The following HSPA4L variants were observed in gnomAD, a reference collection of about 807,000 sequenced individuals.
The protein encoded by HSPA4L is heat shock protein family A (Hsp70) member 4 like.
In HSPA4L, 48 loss-of-function variants were observed where a neutral mutation model predicts 100.3. The observed-to-expected ratio is 0.48, with a 90% confidence interval of 0.38 to 0.61. HSPA4L has a LOEUF of 0.61. HSPA4L is among the 20% of genes least tolerant of loss of function. The probability of loss-of-function intolerance (pLI) is 0.00; values close to 1 mark genes in which losing one functional copy is unlikely to be tolerated. For missense variants in HSPA4L, 886 were observed against 988.6 expected, an observed-to-expected ratio of 0.90 and a Z score of 1.39; for synonymous variants, 319 against 328.2, an observed-to-expected ratio of 0.97 and a Z score of 0.30.
At chr4:127,792,452 A>C (rs1169674884) in intron 1 of HSPA4L, among the ~76,000 whole-genome samples, 1 of 152,212 alleles carries the variant, frequency 6.6e-6, no homozygotes, top group Non-Finnish European at 1.5e-5. Flanking sequence ...GCTATCCAGT[A>C]GAACTTTCTG....
intron 14 of HSPA4L, among the ~76,000 whole-genome samples, chr4:127,821,566 G>T (rs1331377031): frequency 6.6e-6 from 1 of 152,022 alleles, no homozygotes; most frequent in Non-Finnish European, 1.5e-5. Context: ...ATGAAGTGTA[G>T]GTTCTGTTAG....
At chr4:127,813,116 T>C (rs556011912) in intron 12 of HSPA4L, 2 of 1,325,562 alleles carry the variant, frequency 1.5e-6, no homozygotes, top group Admixed American at 3.4e-5. Flanking sequence ...CGCATATACG[T>C]GGCCAAAGGA....
In HSPA4L at chr4:127,805,237, T is replaced by C. The variant is rs369147537; in HGVS notation, c.1137+13T>C. 4.4e-6 allele frequency: 7 copies of C among 1,576,280 alleles called. No individual in the cohort carries two copies. The highest frequency in any genetic ancestry group is 4.1e-5 in the African/African-American group (3 of 73,232). On this transcript the variant is annotated intron_variant, in intron 9 of 18. Coordinates refer to ENST00000296464, the MANE Select transcript of HSPA4L (RefSeq NM_014278.4). Reference sequence around the variant, plus strand: ...ATGTGCGTTACAGGTATAATTGTTATTTTATTTTTTAGAATATGTATTTTG... The same window carrying C: ...ATGTGCGTTACAGGTATAATTGTTACTTTATTTTTTAGAATATGTATTTTG...
intron 1 of HSPA4L, among the ~76,000 whole-genome samples, chr4:127,784,455 C>G (rs1285310114): frequency 6.6e-6 from 1 of 152,204 alleles, no homozygotes; most frequent in African/African-American, 2.4e-5. Flanking sequence ...GGCATATTCG[C>G]TGGTTCTGTG....
chr4:127,832,056 C>T (rs947992908), intron 18 of HSPA4L, among the ~76,000 whole-genome samples: 2 of 151,864 alleles, frequency 1.3e-5, no homozygotes, highest in African/African-American at 4.8e-5. Context: ...GTGGCTACCC[C>T]GATCTTTGTG....
At position 127,811,479 on chromosome 4, in the gene HSPA4L, A is replaced by G; in HGVS notation, c.1421A>G (p.Asp474Gly). The G allele has an allele frequency of 6.2e-7, 1 of 1,614,060 alleles. No individual in the cohort carries two copies. Among genetic ancestry groups the G allele is most frequent in the Non-Finnish European group, 8.5e-7 (1 of 1,179,986 alleles). ...IQNVFPQSDG[D>G]SSKVKVKVRV... is the part of the protein sequence containing the mutation. The stretch of plus-strand genomic sequence containing the variant: ...AATGTTTTTCCACAGTCTGATGGTG[A>G]TAGTTCCAAAGTGAAGGTTAAAGTT... The change falls in exon 12 of 19, where the codon GAT becomes GGT. Residue 474 changes from aspartate to glycine, a missense_variant. Coordinates refer to ENST00000296464, the MANE Select transcript of HSPA4L (RefSeq NM_014278.4).
Position 127,836,644 on chromosome 4 carries a change from A to G in HSPA4L, c.*3770A>G, listed in dbSNP as rs1430680910. On this transcript the variant is annotated 3_prime_UTR_variant, in exon 19 of 19. Transcript: ENST00000296464. ...AGTGTTAAAGCACTTAATCCAAATT[A>G]GCCCATCTTTAACTGTTTTGAAAAA... 1 of 151,980 alleles carries G rather than the reference A, an allele frequency of 6.6e-6. No individual in the cohort carries two copies. Among genetic ancestry groups the G allele is most frequent in the Non-Finnish European group, 1.5e-5 (1 of 67,990 alleles). The allele number at this position is 151,980 out of a possible 1,614,324, so 9.4% of individuals were successfully genotyped here.
Position 127,808,082 on chromosome 4 carries a change from C to T in HSPA4L, c.1331C>T (p.Ala444Val). The stretch of plus-strand genomic sequence containing the variant: ...AAGAAGGAACCATTTGAACTAGAAG[C>T]ATTTTATACTAATTTACATGAAGTG... ...FHKKEPFELE[A>V]FYTNLHEVPY... Residue 444 changes from alanine (A) to valine (V), a missense_variant, in exon 11 of 19, where the codon GCA (alanine) becomes GTA (valine). By Grantham distance (64) the Ala-to-Val change is moderately conservative. Transcript: ENST00000296464. 1 of 1,612,110 alleles carries T rather than the reference C, an allele frequency of 6.2e-7. No individual in the cohort carries two copies. Among genetic ancestry groups the T allele is most frequent in the South Asian group, 1.1e-5 (1 of 90,878 alleles).
At chr4:127,786,227 T>C (rs920683133) in intron 1 of HSPA4L, among the ~76,000 whole-genome samples, 1 of 152,180 alleles carries the variant, frequency 6.6e-6, no homozygotes, top group Non-Finnish European at 1.5e-5. Context: ...TGGCCAAAAA[T>C]TAGTAAAACA....
chr4:127,807,993 T>C lies in HSPA4L; in HGVS notation c.1245-3T>C. The C allele has an allele frequency of 6.2e-7, 1 of 1,606,948 alleles. No individual in the cohort carries two copies. The highest frequency in any genetic ancestry group is 1.3e-5 in the African/African-American group (1 of 74,580). Reference sequence around the variant, plus strand: ...CTAAGTGAGTTCTTTCCCTCCATTTTAGGGAATGTGAAGTTTTCTGTAAGA... The same window carrying C: ...CTAAGTGAGTTCTTTCCCTCCATTTCAGGGAATGTGAAGTTTTCTGTAAGA... On this transcript the variant is annotated splice_region_variant and splice_polypyrimidine_tract_variant and intron_variant, in intron 10 of 18. Transcript: ENST00000296464.
intron 1 of HSPA4L, among the ~76,000 whole-genome samples, chr4:127,791,747 T>A (rs1489065803): frequency 1.3e-5 from 2 of 152,188 alleles, no homozygotes; most frequent in Admixed American, 6.5e-5. Flanking sequence ...CCATCATCAT[T>A]TACTCTTCCT....
At chr4:127,796,521 T>A (rs1733026597) in intron 3 of HSPA4L, among the ~76,000 whole-genome samples, 1 of 152,088 alleles carries the variant, frequency 6.6e-6, no homozygotes, top group South Asian at 2.1e-4. Context: ...TACATGAATG[T>A]TCATAAAAGC....
At chr4:127,814,120 C>T (rs940773532) in intron 12 of HSPA4L, among the ~76,000 whole-genome samples, 21 of 152,176 alleles carry the variant, frequency 1.4e-4, no homozygotes, top group Non-Finnish European at 2.9e-4. Context: ...GTTAACCAAG[C>T]TTTAAAGGAT....
rs151126095 is a variant in HSPA4L at position 127,804,259 on chromosome 4, C to G, written c.985+172C>G. On this transcript the variant is annotated intron_variant, in intron 8 of 18. Transcript: ENST00000296464. ...TTCATAAGAGTAAGGCAGTATAATT[C>G]TGGGTTTATGAGAATTCTTCCTGGA... 5.3e-5 allele frequency among the ~76,000 whole-genome samples: 8 copies of G among 152,038 alleles called. No individual in the cohort carries two copies. The East Asian group carries it at 1.5e-3, about 29-fold the overall frequency.
rs1030987105 is a variant in HSPA4L, at chr4:127,840,514, CAT to C, written c.*7642_*7643del. On this transcript the variant is annotated 3_prime_UTR_variant, in exon 19 of 19. Coordinates refer to ENST00000296464, the MANE Select transcript of HSPA4L (RefSeq NM_014278.4). ...ATGGTTTATGATCTTAAGTTGGTAA[CAT>C]AGGAATATGTATTTGTCAATTTTAG... is the stretch of plus-strand genomic sequence containing the variant. The C allele has an allele frequency of 5.9e-5, 9 of 152,224 alleles. No homozygotes were observed. Among genetic ancestry groups the C allele is most frequent in the African/African-American group, 2.2e-4 (9 of 41,526 alleles). 9.4% of individuals were successfully genotyped at this position (152,224 alleles called of 1,614,324 possible). A position where few individuals can be genotyped will look rare whatever the true frequency, so the allele number is the denominator to read the frequency against.
chr4:127,814,528 C>T (rs549563326), intron 12 of HSPA4L, among the ~76,000 whole-genome samples: 3 of 151,962 alleles, frequency 2.0e-5, no homozygotes, highest in Admixed American at 6.6e-5. Context: ...CTAATAAAAG[C>T]GATGATGCTG....
intron 1 of HSPA4L, among the ~76,000 whole-genome samples, chr4:127,791,434 A>G (rs949364142): frequency 6.6e-6 from 1 of 152,176 alleles, no homozygotes; most frequent in Non-Finnish European, 1.5e-5. Flanking sequence ...CTGCATTCAA[A>G]CGGTTGGACA....
intron 1 of HSPA4L, among the ~76,000 whole-genome samples, chr4:127,785,135 C>G (rs939812254): frequency 6.6e-6 from 1 of 152,094 alleles, no homozygotes; most frequent in Non-Finnish European, 1.5e-5. Flanking sequence ...GGACAAAAGA[C>G]AAGTTAATTT....
chr4:127,831,839 G>A (rs1167029599), intron 18 of HSPA4L, among the ~76,000 whole-genome samples: 1 of 151,906 alleles, frequency 6.6e-6, no homozygotes, highest in Admixed American at 6.6e-5. Flanking sequence ...TATGTTTTGG[G>A]ATATGTGATT....
Sources: gnomAD v4.1 joint callset for allele counts (sites outside exome capture counted in the v4.1 genomes callset) on GRCh38, gnomAD v4.1.1 for gene constraint, MANE v1.5 for transcripts, NCBI Gene and HGNC (gene_info 2026-07-23, HGNC 2026-07-21) for gene names.